The following POU6F2 variants were observed in gnomAD, a reference collection of about 807,000 sequenced individuals.
The protein encoded by POU6F2 is POU class 6 homeobox 2.
POU6F2 carries 31 observed loss-of-function variants against 71.3 expected under a neutral mutation model. The observed-to-expected ratio is 0.43, with a 90% CI of 0.33 to 0.59. POU6F2 has a LOEUF of 0.59. POU6F2 is among the 20% of genes least tolerant of loss of function. The pLI is 0.04. For missense variants in POU6F2, 783 were observed against 856.8 expected, an observed-to-expected ratio of 0.91 and a Z score of 1.07; for synonymous variants, 347 against 355.7, an observed-to-expected ratio of 0.98 and a Z score of 0.27.
intron 2 of POU6F2, among the ~76,000 whole-genome samples, chr7:39,114,966 CAT>C (rs1791900579): frequency 6.6e-6 from 1 of 152,088 alleles, no homozygotes; most frequent in African/African-American, 2.4e-5. Context: ...AGGTATAAAT[CAT>C]AGTGGTTTAG....
At chr7:38,988,887 T>C (rs1363733496) in intron 1 of POU6F2, among the ~76,000 whole-genome samples, 1 of 152,128 alleles carries the variant, frequency 6.6e-6, no homozygotes, top group Non-Finnish European at 1.5e-5. Flanking sequence ...GTCATCTCTT[T>C]ATGAAAGCTG....
chr7:39,187,826 G>C (rs907482086), intron 2 of POU6F2, among the ~76,000 whole-genome samples: 1 of 152,100 alleles, frequency 6.6e-6, no homozygotes, highest in Non-Finnish European at 1.5e-5. Flanking sequence ...TTTTAGATGT[G>C]GCCATTTCAA....
chr7:39,418,316 TAA>T, intron 6 of POU6F2, among the ~76,000 whole-genome samples: 1 of 152,236 alleles, frequency 6.6e-6, no homozygotes, highest in Non-Finnish European at 1.5e-5. Context: ...CATTTTTGCA[TAA>T]ATTCATCATT....
intron 4 of POU6F2, among the ~76,000 whole-genome samples, chr7:39,269,010 C>T (rs1309265112): frequency 6.6e-6 from 1 of 152,180 alleles, no homozygotes; most frequent in Non-Finnish European, 1.5e-5. Context: ...TCAGCATAGC[C>T]ATGCATGAGC....
intron 4 of POU6F2, among the ~76,000 whole-genome samples, chr7:39,282,093 A>G (rs1784573158): frequency 6.6e-6 from 1 of 152,088 alleles, no homozygotes; most frequent in South Asian, 2.1e-4. Flanking sequence ...ATGTCTTCCA[A>G]GAAATGTCTG....
intron 5 of POU6F2, among the ~76,000 whole-genome samples, chr7:39,388,518 G>A (rs13438025): frequency 0.17 from 25,624 of 152,052 alleles, 2,457 homozygotes; most frequent in East Asian, 0.49. Context: ...GTTTCACCAC[G>A]TTGGCCAGGC....
chr7:39,204,168 A>C, intron 2 of POU6F2, 67 bp from the exon 3 acceptor site: 1 of 1,340,624 alleles, frequency 7.5e-7, no homozygotes, highest in Admixed American at 1.8e-5. Flanking sequence ...CTATGCCTTA[A>C]TGTTATGTGA....
chr7:39,026,870 G>A (rs1445822143), intron 1 of POU6F2, among the ~76,000 whole-genome samples: 1 of 152,092 alleles, frequency 6.6e-6, no homozygotes, highest in Non-Finnish European at 1.5e-5. Flanking sequence ...GAGTAACCTA[G>A]GTTGGAATGC....
intron 4 of POU6F2, among the ~76,000 whole-genome samples, chr7:39,303,787 T>G (rs1052006320): frequency 6.6e-6 from 1 of 152,198 alleles, no homozygotes; most frequent in Non-Finnish European, 1.5e-5. Flanking sequence ...AGGAAGAAGT[T>G]CAATAAATTC....
chr7:39,414,601 G>A (rs913459126), intron 6 of POU6F2, among the ~76,000 whole-genome samples: 1 of 152,220 alleles, frequency 6.6e-6, no homozygotes, highest in Admixed American at 6.5e-5. Flanking sequence ...GGGCGGCCCA[G>A]CTGCGGACGC....
Position 39,057,805 on chromosome 7 carries a change from T to A in POU6F2, c.106-28055T>A, listed in dbSNP as rs1291782782. On this transcript the variant is annotated intron_variant, in intron 1 of 9. Coordinates refer to ENST00000518318, the MANE Select transcript of POU6F2 (RefSeq NM_001370959.1). ...TCCAAGTAATCATTTTCTCCTAACATCATTAATTGGAAAATCTCTGCTGTT... is the reference window on the plus strand; with the variant it reads ...TCCAAGTAATCATTTTCTCCTAACAACATTAATTGGAAAATCTCTGCTGTT... Among the ~76,000 whole-genome samples the A allele has an allele frequency of 2.6e-5, 4 of 152,212 alleles. No individual in the cohort carries two copies. In the East Asian group the frequency reaches 7.7e-4, roughly 29 times the overall value.
chr7:39,380,134 T>G (rs533970403), intron 5 of POU6F2, among the ~76,000 whole-genome samples: 1 of 152,350 alleles, frequency 6.6e-6, no homozygotes, highest in African/African-American at 2.4e-5. Context: ...CACTGAATAT[T>G]TTCATGGCTC....
chr7:39,357,029 C>G (rs1786275765), intron 5 of POU6F2, among the ~76,000 whole-genome samples: 1 of 152,124 alleles, frequency 6.6e-6, no homozygotes, highest in South Asian at 2.1e-4. Context: ...ATATAATAGG[C>G]AAAGAAGCAG....
intron 2 of POU6F2, among the ~76,000 whole-genome samples, chr7:39,183,747 C>G (rs1232481346): frequency 6.6e-6 from 1 of 152,122 alleles, no homozygotes; most frequent in East Asian, 1.9e-4. Context: ...ATTTCTTAGC[C>G]CTAATAATGC....
chr7:39,425,566 C>T (rs6462917), intron 6 of POU6F2, among the ~76,000 whole-genome samples: 49,444 of 152,030 alleles, frequency 0.33, 8,840 homozygotes, highest in East Asian at 0.55. Flanking sequence ...ATAGTATACA[C>T]GTTTAAGTCA....
At position 39,001,062 on chromosome 7, in the gene POU6F2, A is replaced by G. The variant is rs547366207; in HGVS notation, c.105+23004A>G. On this transcript the variant is annotated intron_variant, in intron 1 of 9. Transcript: ENST00000518318. The stretch of plus-strand genomic sequence containing the variant: ...GGAAATTTCATATTGGGAAGATGAG[A>G]GAGATGTTTTTGAGTGAATAGTTCC... 3.9e-5 allele frequency among the ~76,000 whole-genome samples: 6 copies of G among 152,318 alleles called. No homozygotes were observed. The South Asian group carries it at 1.2e-3, about 32-fold the overall frequency.
chr7:39,000,501 A>G (rs998694283), intron 1 of POU6F2, among the ~76,000 whole-genome samples: 1 of 145,518 alleles, frequency 6.9e-6, no homozygotes, highest in East Asian at 2.0e-4. Context: ...CTACATCTCC[A>G]CCCTCTCCAT....
Position 39,220,059 on chromosome 7 carries a change from A to T in POU6F2, c.598+12439A>T, listed in dbSNP as rs544710923. Among the ~76,000 whole-genome samples the T allele has an allele frequency of 1.8e-4, 28 of 152,364 alleles. No homozygotes were observed. The East Asian group carries it at 5.0e-3, about 27-fold the overall frequency. The stretch of plus-strand genomic sequence containing the variant: ...AATTTGATTGATTTGTTTTGACAGC[A>T]GCCAAATAATTGAGAGTGAAAGGTG... On this transcript the variant is annotated intron_variant, in intron 4 of 9. Coordinates refer to ENST00000518318, the MANE Select transcript of POU6F2 (RefSeq NM_001370959.1).
At chr7:39,227,105 T>A (rs890701909) in intron 4 of POU6F2, among the ~76,000 whole-genome samples, 1 of 152,226 alleles carries the variant, frequency 6.6e-6, no homozygotes. Flanking sequence ...TTCCCTGCTT[T>A]CATCTCTTCC....
Sources: allele counts gnomAD v4.1 joint callset (sites outside exome capture counted in the v4.1 genomes callset), GRCh38; gene constraint gnomAD v4.1.1; transcripts MANE v1.5; gene names NCBI Gene and HGNC (gene_info 2026-07-23, HGNC 2026-07-21).